ADGRG2: variants seen among roughly 807,000 people sequenced by gnomAD.
ADGRG2 encodes the protein adhesion G protein-coupled receptor G2.
A neutral mutation model predicts 74.1 loss-of-function variants in ADGRG2; 26 were observed. That is an observed-to-expected ratio of 0.35 (90% CI 0.26 to 0.49). The LOEUF is 0.49. Ranked by LOEUF, ADGRG2 falls within the 20% of genes least tolerant of loss-of-function variation. The pLI is 0.99. For synonymous variants in ADGRG2, 296 were observed against 295.2 expected (o/e 1.00, Z -0.03); for missense variants, 619 against 763.1 (o/e 0.81, Z 2.22).
chrX:19,062,842 G>C (rs1369189121), intron 3 of ADGRG2, among the ~76,000 whole-genome samples: 1 of 110,312 alleles, frequency 9.1e-6, no homozygotes, highest in Admixed American at 9.7e-5. Flanking sequence ...AGAAAGTTGG[G>C]GATTGTAGCT....
chrX:18,995,968 G>C, intron 27 of ADGRG2, 83 bp downstream of exon 27: 1 of 516,417 alleles, frequency 1.9e-6, no homozygotes, highest in East Asian at 3.5e-5. Flanking sequence ...CTGATTTCTA[G>C]ATTGGATTTG....
intron 3 of ADGRG2, among the ~76,000 whole-genome samples, chrX:19,059,122 G>T (rs2061446563): frequency 2.7e-5 from 3 of 111,694 alleles, no homozygotes; most frequent in Non-Finnish European, 5.6e-5. Flanking sequence ...GTTCGAGGCT[G>T]CAGTGAGCCA....
rs994754270 is a variant in ADGRG2, at chrX:18,994,893, T to C, written c.2869+3A>G. 4.2e-6 allele frequency: 5 copies of C among 1,184,300 alleles called. No homozygotes were observed. The Admixed American group carries it at 1.1e-4, about 27-fold the overall frequency. ...GAGAAATACTATATTGAGACATACATACCATTCCCGCTTGCGTGTACTGAG... is the reference window on the plus strand; with the variant it reads ...GAGAAATACTATATTGAGACATACACACCATTCCCGCTTGCGTGTACTGAG... On this transcript the variant is annotated splice_donor_region_variant and intron_variant, in intron 28 of 28. Transcript: ENST00000379869.
At chrX:19,122,918 C>T (rs1416247229), upstream of ADGRG2, among the ~76,000 whole-genome samples, 3 of 112,262 alleles carry the variant, frequency 2.7e-5, no homozygotes, top group Non-Finnish European at 5.7e-5. Flanking sequence ...GGGCTCGCCC[C>T]GGTACCCATA....
intron 1 of ADGRG2, among the ~76,000 whole-genome samples, chrX:19,100,706 A>C (rs768596700): frequency 8.8e-6 from 1 of 113,478 alleles, no homozygotes; most frequent in East Asian, 2.8e-4. Context: ...GTGCCTGCAA[A>C]AGTGCCTGGC....
intron 15 of ADGRG2, among the ~76,000 whole-genome samples, chrX:19,015,627 G>T (rs765536072): frequency 8.9e-6 from 1 of 112,254 alleles, no homozygotes; most frequent in Non-Finnish European, 1.9e-5. Flanking sequence ...GCTGAGGCAG[G>T]GGAATCACTT....
At chrX:19,049,438 G>GGTTTTTTT (rs1555901661) in intron 3 of ADGRG2, among the ~76,000 whole-genome samples, 23 of 82,160 alleles carry the variant, frequency 2.8e-4, no homozygotes, top group African/African-American at 1.3e-3. Flanking sequence ...CGTTTTTTGT[G>GGTTTTTTT]TTTTTTTTTT....
chrX:18,991,396 T>A (rs185950282), intron 28 of ADGRG2, among the ~76,000 whole-genome samples: 2 of 111,721 alleles, frequency 1.8e-5, no homozygotes, highest in Admixed American at 1.9e-4. Flanking sequence ...GCAGCATATG[T>A]ATAATATAAG....
chrX:19,050,542 C>T (rs1268616017), intron 3 of ADGRG2, among the ~76,000 whole-genome samples: 2 of 111,291 alleles, frequency 1.8e-5, no homozygotes, highest in Non-Finnish European at 3.8e-5. Context: ...GACACAATGG[C>T]GGAGCTCACC....
intron 1 of ADGRG2, among the ~76,000 whole-genome samples, chrX:19,098,143 T>C (rs1411476156): frequency 8.9e-6 from 1 of 111,988 alleles, no homozygotes; most frequent in Admixed American, 9.4e-5. Flanking sequence ...GAACATGCCT[T>C]TTCACTCAAT....
chrX:19,067,298 C>T (rs1198963532), intron 3 of ADGRG2, among the ~76,000 whole-genome samples: 2 of 112,008 alleles, frequency 1.8e-5, no homozygotes, highest in Non-Finnish European at 3.8e-5. Context: ...TTTGTTAGTG[C>T]GTTTTGTCCA....
chrX:19,089,869 C>T (rs753388365), intron 1 of ADGRG2, among the ~76,000 whole-genome samples: 2 of 111,447 alleles, frequency 1.8e-5, no homozygotes, highest in Non-Finnish European at 3.8e-5. Context: ...ACTGTGGACT[C>T]AAAAAATGTG....
At chrX:19,022,885 T>C (rs914920195) in intron 13 of ADGRG2, among the ~76,000 whole-genome samples, 1 of 111,604 alleles carries the variant, frequency 9.0e-6, no homozygotes, top group Admixed American at 9.5e-5. Context: ...TTAGTAGAGA[T>C]GGGGTTTTGC....
chrX:19,021,217 A>T lies in ADGRG2; in HGVS notation c.549-19T>A, dbSNP rs1317736174. ...TAATGTGCTGTAAGGAGAAATATAC[A>T]TAACCAGAATGTTACTAAATGGGAA... On this transcript the variant is annotated intron_variant, in intron 13 of 28. Transcript: ENST00000379869. The T allele has an allele frequency of 1.3e-6, 1 of 791,586 alleles. No homozygotes were observed. 65.2% of individuals were successfully genotyped at this position (791,586 alleles called of 1,213,427 possible). A position where few individuals can be genotyped will look rare whatever the true frequency, so the allele number is the denominator to read the frequency against.
intron 25 of ADGRG2, 21 bp from the exon 26 acceptor site, chrX:18,999,300 G>T (rs192802610): frequency 8.8e-7 from 1 of 1,139,345 alleles, no homozygotes; most frequent in Non-Finnish European, 1.2e-6. Flanking sequence ...TGGAGGGGGG[G>T]AAACAGGGGA....
chrX:19,068,984 G>A, intron 2 of ADGRG2, 149 bp from the exon 3 acceptor site: 1 of 337,623 alleles, frequency 3.0e-6, no homozygotes, highest in Non-Finnish European at 5.3e-6. Flanking sequence ...CGCCAGTTGG[G>A]CACTGGTGAC....
chrX:19,009,545 A>T, intron 18 of ADGRG2, 81 bp downstream of exon 18: 1 of 869,178 alleles, frequency 1.2e-6, no homozygotes, highest in Non-Finnish European at 1.7e-6. Flanking sequence ...TATAAGCAGT[A>T]ATTGCCTCAA....
chrX:18,995,644 C>CAA (rs1160541985), intron 27 of ADGRG2, among the ~76,000 whole-genome samples: 1 of 111,951 alleles, frequency 8.9e-6, no homozygotes, highest in East Asian at 2.8e-4. Flanking sequence ...AGCTTATACA[C>CAA]AAAGTCTGGC....
chrX:19,108,769 G>A (rs1161405556), intron 1 of ADGRG2, among the ~76,000 whole-genome samples: 1 of 111,895 alleles, frequency 8.9e-6, no homozygotes, highest in East Asian at 2.8e-4. Flanking sequence ...GGAGGCAAGA[G>A]GAGGGCTTCT....
Sources: allele counts gnomAD v4.1 joint callset (sites outside exome capture counted in the v4.1 genomes callset), GRCh38; gene constraint gnomAD v4.1.1; transcripts MANE v1.5; gene names NCBI Gene and HGNC (gene_info 2026-07-23, HGNC 2026-07-21).